SPATA9: variants seen among roughly 807,000 people sequenced by gnomAD.
The protein encoded by SPATA9 is spermatogenesis associated 9, also known as spermatogenesis-associated protein 9.
Under a neutral mutation model 25.5 loss-of-function variants are expected in SPATA9, and 27 were observed. That is an observed-to-expected ratio of 1.06 (90% CI 0.78 to 1.46). The LOEUF (loss-of-function observed/expected upper bound fraction) is 1.46, where lower values mean the gene tolerates loss of function less well. SPATA9 is among the 40% of genes most tolerant of loss of function. The pLI is 0.00. For synonymous variants in SPATA9, 102 were observed against 105.7 expected (o/e 0.97, Z 0.21); for missense variants, 282 against 297.5 (o/e 0.95, Z 0.38).
the SPATA9 span, chr5:95,713,412 G>A: frequency 6.6e-6 from 1 of 151,998 alleles, no homozygotes; most frequent in Non-Finnish European, 1.5e-5. Flanking sequence ...TTGTGACAGT[G>A]AGTGAGTTCT....
At chr5:95,661,530 C>T (rs1231245436) in intron 4 of SPATA9, among the ~76,000 whole-genome samples, 1 of 152,072 alleles carries the variant, frequency 6.6e-6, no homozygotes, top group African/African-American at 2.4e-5. Context: ...AAATTGAAAT[C>T]TAATTTTTGT....
the SPATA9 span, among the ~76,000 whole-genome samples, chr5:95,725,200 T>G: frequency 5.9e-5 from 9 of 152,316 alleles, no homozygotes; most frequent in African/African-American, 2.2e-4. Flanking sequence ...ATATTTTCAT[T>G]GGATGCTATT....
intron 1 of SPATA9, among the ~76,000 whole-genome samples, chr5:95,695,440 A>G (rs373631638): frequency 0.01 from 1,018 of 100,754 alleles, 10 homozygotes; most frequent in African/African-American, 0.033. Flanking sequence ...TCTACTACAA[A>G]TACAAAAGTT....
the SPATA9 span, among the ~76,000 whole-genome samples, chr5:95,707,794 G>T: frequency 6.6e-6 from 1 of 152,044 alleles, no homozygotes; most frequent in African/African-American, 2.4e-5. Flanking sequence ...CTTAGCTAAG[G>T]GAGAGTCAAT....
the SPATA9 span, among the ~76,000 whole-genome samples, chr5:95,729,191 G>A: frequency 6.6e-6 from 1 of 152,166 alleles, no homozygotes; most frequent in Non-Finnish European, 1.5e-5. Context: ...TAATAAACTG[G>A]CTTTCACTTT....
intron 1 of SPATA9, among the ~76,000 whole-genome samples, chr5:95,695,347 C>T (rs1753988605): frequency 6.6e-6 from 1 of 152,198 alleles, no homozygotes; most frequent in Non-Finnish European, 1.5e-5. Context: ...CCTGTAATCC[C>T]AGCACTTTGG....
the SPATA9 span, among the ~76,000 whole-genome samples, chr5:95,715,185 G>A: frequency 3.3e-5 from 5 of 151,964 alleles, no homozygotes; most frequent in Admixed American, 6.6e-5. Context: ...TTAGCTGGGC[G>A]TGGTGGTGCA....
intron 3 of SPATA9, among the ~76,000 whole-genome samples, chr5:95,674,372 C>T (rs1251367873): frequency 6.6e-6 from 1 of 152,172 alleles, no homozygotes; most frequent in Non-Finnish European, 1.5e-5. Context: ...AGCTCCAACC[C>T]CAGCTCTAGG....
At chr5:95,708,580 G>A in the SPATA9 span, 1 of 696,316 alleles carries the variant, frequency 1.4e-6, no homozygotes, top group Non-Finnish European at 2.6e-6. Flanking sequence ...GCTAGCGTCA[G>A]GGTGATTCCC....
chr5:95,660,755 G>A (rs1300922853), intron 4 of SPATA9, among the ~76,000 whole-genome samples: 5 of 152,070 alleles, frequency 3.3e-5, no homozygotes, highest in Admixed American at 1.3e-4. Context: ...AGGAATGAAC[G>A]GTCTTGATCA....
the SPATA9 span, among the ~76,000 whole-genome samples, chr5:95,712,477 CCT>C: frequency 6.6e-6 from 1 of 152,186 alleles, no homozygotes. Context: ...TTCTGTACCC[CCT>C]GAGCCACCAT....
chr5:95,728,153 G>A, the SPATA9 span, among the ~76,000 whole-genome samples: 2 of 152,222 alleles, frequency 1.3e-5, no homozygotes, highest in African/African-American at 4.8e-5. Context: ...AGAGAAAACA[G>A]GTTTGGTGAG....
chr5:95,699,111 T>G (rs1038677036), upstream of SPATA9, among the ~76,000 whole-genome samples: 1 of 152,170 alleles, frequency 6.6e-6, no homozygotes, highest in Admixed American at 6.5e-5. Context: ...TTTTGCCAGG[T>G]TGAGGTTCTG....
In SPATA9 at chr5:95,678,124, C is replaced by A. The variant is rs1484704624; in HGVS notation, c.151-2485G>T. On this transcript the variant is annotated intron_variant, in intron 2 of 4. Coordinates refer to ENST00000274432, the MANE Select transcript of SPATA9 (RefSeq NM_031952.4). The stretch of plus-strand genomic sequence containing the variant: ...AGGCACCATGGCTCACACCTGTAAT[C>A]CCAGCACTTTGGGAGGCCAAGGCGG... 3.3e-5 allele frequency among the ~76,000 whole-genome samples: 5 copies of A among 152,182 alleles called. 1 individual carries two copies. Among genetic ancestry groups the A allele is most frequent in the African/African-American group, 1.2e-4 (5 of 41,446 alleles).
intron 1 of SPATA9, among the ~76,000 whole-genome samples, chr5:95,691,145 G>C (rs571949332): frequency 1.3e-5 from 2 of 151,956 alleles, no homozygotes; most frequent in East Asian, 1.9e-4. Flanking sequence ...GAACCCGGGA[G>C]GGGGAGCTTG....
upstream of SPATA9, among the ~76,000 whole-genome samples, chr5:95,685,706 C>G (rs989142033): frequency 1.3e-5 from 2 of 152,154 alleles, no homozygotes; most frequent in African/African-American, 4.8e-5. Flanking sequence ...AAGTTAACAT[C>G]ATTTATCTTT....
the SPATA9 span, among the ~76,000 whole-genome samples, chr5:95,725,500 G>A: frequency 1.3e-5 from 2 of 152,396 alleles, no homozygotes; most frequent in East Asian, 1.9e-4. Context: ...ACAAGCGCAC[G>A]CCTTTGCGTG....
At chr5:95,731,600 G>T in the SPATA9 span, 9 of 1,590,432 alleles carry the variant, frequency 5.7e-6, no homozygotes, top group African/African-American at 1.3e-5. Context: ...CGGATTGCGG[G>T]TGAACTCGCC....
chr5:95,691,376 A>G (rs1430847412), intron 1 of SPATA9, among the ~76,000 whole-genome samples: 1 of 152,214 alleles, frequency 6.6e-6, no homozygotes, highest in Non-Finnish European at 1.5e-5. Flanking sequence ...CACTTTTGTC[A>G]TATATGTTTA....
Sources: gnomAD v4.1 joint callset for allele counts (sites outside exome capture counted in the v4.1 genomes callset) on GRCh38, gnomAD v4.1.1 for gene constraint, MANE v1.5 for transcripts, NCBI Gene and HGNC (gene_info 2026-07-23, HGNC 2026-07-21) for gene names.